Variants in CDH12 observed in about 807,000 individuals in gnomAD.
The protein encoded by CDH12 is cadherin-12.
A neutral mutation model predicts 74.1 loss-of-function variants in CDH12; 41 were observed. The ratio of observed to expected loss-of-function variants is 0.55; its 90% CI spans 0.43 to 0.72. The LOEUF is 0.72. Ranked by LOEUF, CDH12 falls within the 30% of genes least tolerant of loss-of-function variation. The probability of loss-of-function intolerance (pLI) is 0.00; values close to 1 mark genes in which losing one functional copy is unlikely to be tolerated. For missense variants in CDH12, 945 were observed against 977.2 expected (o/e 0.97, Z 0.44); for synonymous variants, 399 against 355.0 (o/e 1.12, Z -1.39).
intron 8 of CDH12, 147 bp downstream of exon 8, chr5:21,842,014 A>G: frequency 3.0e-6 from 2 of 664,276 alleles, no homozygotes; most frequent in South Asian, 2.1e-5. Context: ...ATAAAAAAAA[A>G]AAAAGATTTG....
chr5:22,511,698 T>C (rs922636071), intron 1 of CDH12, among the ~76,000 whole-genome samples: 44 of 152,304 alleles, frequency 2.9e-4, no homozygotes, highest in Middle Eastern at 3.4e-3. Flanking sequence ...AAAAGTGAAA[T>C]GCAGGTAACC....
intron 11 of CDH12, among the ~76,000 whole-genome samples, chr5:21,771,933 G>T (rs1019697384): frequency 6.6e-6 from 1 of 152,168 alleles, no homozygotes; most frequent in Non-Finnish European, 1.5e-5. Context: ...TTGCTACAAA[G>T]AGTCTGTTTT....
chr5:21,902,753 A>AT (rs563658273), intron 6 of CDH12, among the ~76,000 whole-genome samples: 5 of 152,082 alleles, frequency 3.3e-5, no homozygotes, highest in East Asian at 1.9e-4. Context: ...ATTTTGTTCA[A>AT]TTTTTTTTAA....
At chr5:22,824,735 TAAGA>T (rs1749922172) in intron 1 of CDH12, among the ~76,000 whole-genome samples, 1 of 151,780 alleles carries the variant, frequency 6.6e-6, no homozygotes, top group Non-Finnish European at 1.5e-5. Flanking sequence ...AATTACAAAA[TAAGA>T]TAGAGAAAAA....
intron 1 of CDH12, among the ~76,000 whole-genome samples, chr5:22,555,974 T>C (rs1561488177): frequency 6.6e-6 from 1 of 151,962 alleles, no homozygotes; most frequent in Admixed American, 6.6e-5. Flanking sequence ...GGTCAAATTG[T>C]AGTAGTGTTT....
At chr5:21,925,761 G>A (rs890890456) in intron 6 of CDH12, among the ~76,000 whole-genome samples, 2 of 152,020 alleles carry the variant, frequency 1.3e-5, no homozygotes, top group African/African-American at 4.8e-5. Flanking sequence ...ACGGGACATT[G>A]TTCCTTAATA....
At chr5:21,798,207 G>T (rs1287830642) in intron 10 of CDH12, among the ~76,000 whole-genome samples, 1 of 151,614 alleles carries the variant, frequency 6.6e-6, no homozygotes, top group Non-Finnish European at 1.5e-5. Context: ...CAAGGCAGCA[G>T]ATTTTGGAGA....
At chr5:21,805,988 T>C (rs757055911) in intron 9 of CDH12, among the ~76,000 whole-genome samples, 7 of 152,130 alleles carry the variant, frequency 4.6e-5, no homozygotes, top group Non-Finnish European at 8.8e-5. Context: ...AGGTTGTTTC[T>C]ATAAGGGAAG....
At chr5:22,038,739 C>T (rs1010520712) in intron 5 of CDH12, among the ~76,000 whole-genome samples, 2 of 152,162 alleles carry the variant, frequency 1.3e-5, no homozygotes, top group Admixed American at 6.5e-5. Context: ...ACATGATTCC[C>T]AGTCATGAGC....
intron 1 of CDH12, among the ~76,000 whole-genome samples, chr5:22,641,032 G>T (rs979017203): frequency 1.3e-5 from 2 of 152,078 alleles, no homozygotes; most frequent in Admixed American, 6.5e-5. Context: ...ATTAGTTAGG[G>T]TTCTCTAGAG....
chr5:22,101,412 T>C (rs1744131694), intron 4 of CDH12, among the ~76,000 whole-genome samples: 1 of 152,198 alleles, frequency 6.6e-6, no homozygotes, highest in African/African-American at 2.4e-5. Flanking sequence ...GTTTTTCTTC[T>C]TCTTCTTTCT....
intron 1 of CDH12, among the ~76,000 whole-genome samples, chr5:22,606,039 A>C (rs915361374): frequency 1.3e-5 from 2 of 152,142 alleles, no homozygotes; most frequent in Non-Finnish European, 2.9e-5. Flanking sequence ...ACTGTCCTCC[A>C]TTATTGTCCA....
intron 5 of CDH12, among the ~76,000 whole-genome samples, chr5:22,074,375 G>A (rs1742159241): frequency 6.6e-6 from 1 of 152,058 alleles, no homozygotes; most frequent in Non-Finnish European, 1.5e-5. Context: ...AGAAAACCTA[G>A]GTAATACAAT....
chr5:22,779,800 G>C (rs575228849), intron 1 of CDH12, among the ~76,000 whole-genome samples: 4 of 152,276 alleles, frequency 2.6e-5, no homozygotes, highest in Non-Finnish European at 5.9e-5. Context: ...GGAACTGCAA[G>C]TCAGTTAAAC....
chr5:22,723,087 TA>T (rs1455149980), intron 1 of CDH12, among the ~76,000 whole-genome samples: 2 of 152,170 alleles, frequency 1.3e-5, no homozygotes, highest in Non-Finnish European at 2.9e-5. Flanking sequence ...AATGCTACTG[TA>T]AAAAATGTAA....
chr5:22,736,322 T>C (rs984691080), intron 1 of CDH12, among the ~76,000 whole-genome samples: 6 of 151,836 alleles, frequency 4.0e-5, no homozygotes, highest in Admixed American at 2.6e-4. Flanking sequence ...AATGTGTATA[T>C]ATGTATTTTT....
chr5:22,770,898 T>C (rs1195902399), intron 1 of CDH12, among the ~76,000 whole-genome samples: 1 of 152,116 alleles, frequency 6.6e-6, no homozygotes, highest in Non-Finnish European at 1.5e-5. Flanking sequence ...AAAATGTCTC[T>C]GTTGGTAGCG....
intron 6 of CDH12, among the ~76,000 whole-genome samples, chr5:21,872,915 A>ATCTATCTATCTATCTATCTATCTG (rs1488366254): frequency 6.6e-6 from 1 of 151,714 alleles, no homozygotes; most frequent in East Asian, 1.9e-4. Flanking sequence ...CTATCTATCT[A>ATCTATCTATCTATCTATCTATCTG]TCTATCATCT....
intron 1 of CDH12, among the ~76,000 whole-genome samples, chr5:22,812,038 G>T (rs537506129): frequency 6.6e-6 from 1 of 152,044 alleles, no homozygotes; most frequent in African/African-American, 2.4e-5. Context: ...TGTTTTTATT[G>T]GGCTGGATTT....
Sources: allele counts gnomAD v4.1 joint callset (sites outside exome capture counted in the v4.1 genomes callset), GRCh38; gene constraint gnomAD v4.1.1; transcripts MANE v1.5; gene names NCBI Gene and HGNC (gene_info 2026-07-23, HGNC 2026-07-21).